ATP11A: variants seen among roughly 807,000 people sequenced by gnomAD.
ATP11A encodes the protein ATPase phospholipid transporting 11A.
A neutral mutation model predicts 154.4 loss-of-function variants in ATP11A; 81 were observed. The observed-to-expected ratio is 0.52, with a 90% CI of 0.44 to 0.63. The LOEUF is 0.63. Ranked by LOEUF, ATP11A falls within the 30% of genes least tolerant of loss-of-function variation. ATP11A has a pLI of 0.00. For missense variants in ATP11A, 1,316 were observed against 1,474.3 expected, an observed-to-expected ratio of 0.89 and a Z score of 1.76; for synonymous variants, 623 against 585.9, an observed-to-expected ratio of 1.06 and a Z score of -0.91.
At chr13:112,774,822 G>T (rs9604438) in intron 1 of ATP11A, among the ~76,000 whole-genome samples, 14,363 of 152,282 alleles carry the variant, frequency 0.094, 1,023 homozygotes, top group African/African-American at 0.19. Flanking sequence ...TCCTGTCACT[G>T]CCCTGTGTAT....
chr13:112,715,284 A>G (rs1412547227), intron 1 of ATP11A, among the ~76,000 whole-genome samples: 1 of 151,522 alleles, frequency 6.6e-6, no homozygotes, highest in African/African-American at 2.4e-5. Flanking sequence ...ACAGAGAGGC[A>G]CCAACCTGGG....
At chr13:112,712,209 T>TGTGGCC (rs1206848696) in intron 1 of ATP11A, among the ~76,000 whole-genome samples, 5 of 152,144 alleles carry the variant, frequency 3.3e-5, no homozygotes, top group African/African-American at 9.7e-5. Flanking sequence ...CACGGTGAAA[T>TGTGGCC]GTGGCCGGTA....
At position 112,848,972 on chromosome 13, in the gene ATP11A, G is replaced by A. The variant is rs141113986; in HGVS notation, c.1810-2065G>A. On this transcript the variant is annotated intron_variant, in intron 17 of 29. Coordinates refer to ENST00000375645, the MANE Select transcript of ATP11A (RefSeq NM_015205.3). ...CAAAGTGCTGGGATTACAGGCGTGA[G>A]CCATCATGCCTTGCTGGTTTTTTCA... Among the ~76,000 whole-genome samples, 636 of 152,366 alleles carry A rather than the reference G, an allele frequency of 4.2e-3. 6 individuals carry two copies. The highest frequency in any genetic ancestry group is 0.015 in the African/African-American group (614 of 41,584).
intron 18 of ATP11A, 24 bp from the exon 19 acceptor site, chr13:112,854,255 T>C (rs1202731093): frequency 6.2e-7 from 1 of 1,611,840 alleles, no homozygotes; most frequent in African/African-American, 1.3e-5. Context: ...TTCTCTATGC[T>C]GTGTTTGGTT....
chr13:112,853,283 C>CAT (rs764119403), intron 18 of ATP11A, among the ~76,000 whole-genome samples: 2 of 139,726 alleles, frequency 1.4e-5, no homozygotes, highest in Admixed American at 1.4e-4. Context: ...TATGTACATA[C>CAT]ACACACACAC....
intron 20 of ATP11A, 151 bp downstream of exon 20, chr13:112,856,236 A>G (rs2079920747): frequency 1.3e-6 from 1 of 785,290 alleles, no homozygotes; most frequent in Non-Finnish European, 1.9e-6. Context: ...TTTAAAACGC[A>G]GATCTTGTTT....
intron 13 of ATP11A, 53 bp downstream of exon 13, chr13:112,831,601 C>A: frequency 6.3e-7 from 1 of 1,578,990 alleles, no homozygotes; most frequent in Non-Finnish European, 8.7e-7. Flanking sequence ...GGCGGCTGTG[C>A]ATGCTGAGTC....
intron 1 of ATP11A, among the ~76,000 whole-genome samples, chr13:112,750,699 G>A (rs1279216991): frequency 6.6e-6 from 1 of 152,200 alleles, no homozygotes; most frequent in Non-Finnish European, 1.5e-5. Flanking sequence ...TTGCTCACTA[G>A]TGTTTACTGC....
At chr13:112,718,805 G>C (rs531895280) in intron 1 of ATP11A, among the ~76,000 whole-genome samples, 1 of 152,076 alleles carries the variant, frequency 6.6e-6, no homozygotes, top group East Asian at 1.9e-4. Context: ...TGAGTAGCTG[G>C]GATTACAGTT....
intron 17 of ATP11A, 148 bp from the exon 18 acceptor site, chr13:112,850,889 G>T: frequency 1.6e-6 from 1 of 618,794 alleles, no homozygotes; most frequent in South Asian, 3.0e-5. Context: ...TTCTTTCTTT[G>T]TTTACTTAGT....
intron 25 of ATP11A, among the ~76,000 whole-genome samples, chr13:112,869,321 G>T (rs1439232324): frequency 6.6e-6 from 1 of 152,234 alleles, no homozygotes; most frequent in Non-Finnish European, 1.5e-5. Context: ...AAAGCTTACA[G>T]CTGTGGCCCA....
At chr13:112,707,182 G>A (rs536212739) in intron 1 of ATP11A, among the ~76,000 whole-genome samples, 3 of 152,186 alleles carry the variant, frequency 2.0e-5, no homozygotes, top group Non-Finnish European at 2.9e-5. Context: ...TTGGGAGGCC[G>A]AGGCAGATGG....
chr13:112,724,129 A>ATCGCCCCCTTCGCCCCCTTCGCCCCCT (rs1294728039), intron 1 of ATP11A, among the ~76,000 whole-genome samples: 2 of 14,304 alleles, frequency 1.4e-4, no homozygotes, highest in South Asian at 4.4e-3. Context: ...CTTCTCCCCC[A>ATCGCCCCCTTCGCCCCCTTCGCCCCCT]TCGCCCCCTT....
At chr13:112,766,510 GGCTGAATCTATACT>G (rs2077080446) in intron 1 of ATP11A, among the ~76,000 whole-genome samples, 1 of 152,120 alleles carries the variant, frequency 6.6e-6, no homozygotes, top group Admixed American at 6.5e-5. Flanking sequence ...GGTGCGTCCC[GGCTGAATCTATACT>G]GCAGCCTCAG....
At chr13:112,718,823 A>C (rs1464792149) in intron 1 of ATP11A, among the ~76,000 whole-genome samples, 1 of 152,070 alleles carries the variant, frequency 6.6e-6, no homozygotes, top group Non-Finnish European at 1.5e-5. Context: ...GTTGCACGCC[A>C]ACACTCCCAG....
At chr13:112,820,273 T>C (rs1436341976) in intron 8 of ATP11A, among the ~76,000 whole-genome samples, 1 of 152,130 alleles carries the variant, frequency 6.6e-6, no homozygotes, top group Non-Finnish European at 1.5e-5. Flanking sequence ...CTGGGAGAAA[T>C]GCCCTTTCAT....
intron 2 of ATP11A, among the ~76,000 whole-genome samples, chr13:112,803,780 CTCCCCTCCCTGCCTTACT>C (rs2078208348): frequency 9.4e-6 from 1 of 106,200 alleles, no homozygotes; most frequent in Admixed American, 9.3e-5. Flanking sequence ...CTTCCTCTCC[CTCCCCTCCCTGCCTTACT>C]TCCCCTCCCT....
chr13:112,863,453 C>T, intron 25 of ATP11A, among the ~76,000 whole-genome samples: 1 of 150,294 alleles, frequency 6.7e-6, no homozygotes. Context: ...CGGGGTCCAT[C>T]ACCACCTGCG....
intron 4 of ATP11A, among the ~76,000 whole-genome samples, chr13:112,808,982 C>G (rs1222531623): frequency 1.3e-5 from 2 of 152,198 alleles, no homozygotes; most frequent in Non-Finnish European, 2.9e-5. Context: ...TCCCGCAGCC[C>G]GGGCGCTAGG....
Sources: allele counts gnomAD v4.1 joint callset (sites outside exome capture counted in the v4.1 genomes callset), GRCh38; gene constraint gnomAD v4.1.1; transcripts MANE v1.5; gene names NCBI Gene and HGNC (gene_info 2026-07-23, HGNC 2026-07-21).